Variants in CNTN4 observed in about 807,000 individuals in gnomAD.
CNTN4 encodes the protein contactin 4.
CNTN4 carries 77 observed loss-of-function variants against 122.5 expected under a neutral mutation model. The ratio of observed to expected loss-of-function variants is 0.63; its 90% CI spans 0.52 to 0.76. The LOEUF (loss-of-function observed/expected upper bound fraction) is 0.76. Among genes scored for constraint, CNTN4 ranks in the 30% least tolerant of loss-of-function variants. The probability of loss-of-function intolerance (pLI) is 0.00; values close to 1 mark genes in which losing one functional copy is unlikely to be tolerated. For synonymous variants in CNTN4, 512 were observed against 447.0 expected (o/e 1.15, Z -1.83); for missense variants, 1,256 against 1,259.1 (o/e 1.00, Z 0.04).
At chr3:2,476,427 A>C (rs2075835801) in intron 3 of CNTN4, among the ~76,000 whole-genome samples, 1 of 152,238 alleles carries the variant, frequency 6.6e-6, no homozygotes, top group Non-Finnish European at 1.5e-5. Flanking sequence ...GTAAACATAA[A>C]AATGGGGTCA....
chr3:2,215,445 C>T (rs1211073699), intron 2 of CNTN4, among the ~76,000 whole-genome samples: 1 of 152,130 alleles, frequency 6.6e-6, no homozygotes, highest in Non-Finnish European at 1.5e-5. Context: ...GTATATACAG[C>T]CTCCTGATAT....
intron 13 of CNTN4, among the ~76,000 whole-genome samples, chr3:2,934,821 AGC>A (rs1164708692): frequency 6.6e-6 from 1 of 152,242 alleles, no homozygotes; most frequent in Non-Finnish European, 1.5e-5. Flanking sequence ...AAGCAACAGG[AGC>A]GTCATTGCTC....
At position 2,110,344 on chromosome 3, in the gene CNTN4, G is replaced by A. The variant is rs1004678681; in HGVS notation, c.-145+9705G>A. On this transcript the variant is annotated intron_variant, in intron 2 of 24. Coordinates refer to ENST00000418658, the MANE Select transcript of CNTN4 (RefSeq NM_175607.3). ...TGAAGACTTTAGGACAGTGTGCATG[G>A]CACATTGTAAGCATTAGGTAAATGA... 2.6e-5 allele frequency: 4 copies of A among 152,350 alleles called. 1 individual carries two copies. In the South Asian group the frequency reaches 8.3e-4, roughly 32 times the overall value. 9.4% of individuals were successfully genotyped at this position (152,350 alleles called of 1,614,324 possible). A position where few individuals can be genotyped will look rare whatever the true frequency, so the allele number is the denominator to read the frequency against.
At chr3:2,392,663 G>T (rs945291031) in intron 3 of CNTN4, among the ~76,000 whole-genome samples, 4 of 152,074 alleles carry the variant, frequency 2.6e-5, no homozygotes, top group South Asian at 2.1e-4. Context: ...TCCTCTTTTA[G>T]CTATCTTGAA....
intron 3 of CNTN4, among the ~76,000 whole-genome samples, chr3:2,411,398 A>G (rs2047221944): frequency 1.3e-5 from 2 of 152,174 alleles, no homozygotes. Flanking sequence ...AAATATTGAG[A>G]TGTTTATTTA....
In CNTN4 at chr3:2,828,356, A is replaced by G. The variant is rs2093031410; in HGVS notation, c.454+8775A>G. ...AGTAAATTAAAAGCCACAGGTGTCC[A>G]GTAGGTTAACACTGACCGTCTTGGA... On this transcript the variant is annotated intron_variant, in intron 7 of 24. Transcript: ENST00000418658. 2.6e-5 allele frequency among the ~76,000 whole-genome samples: 4 copies of G among 152,290 alleles called. No homozygotes were observed. In the South Asian group the frequency reaches 8.3e-4, roughly 32 times the overall value.
At chr3:2,355,594 C>T (rs2044838978) in intron 3 of CNTN4, among the ~76,000 whole-genome samples, 1 of 152,190 alleles carries the variant, frequency 6.6e-6, no homozygotes, top group African/African-American at 2.4e-5. Flanking sequence ...TCCCCAATCC[C>T]CTCCTGCGCC....
chr3:2,180,713 G>A (rs2036976699), intron 2 of CNTN4, among the ~76,000 whole-genome samples: 1 of 152,042 alleles, frequency 6.6e-6, no homozygotes, highest in African/African-American at 2.4e-5. Flanking sequence ...CATTTTAACT[G>A]AAAGTCTGTT....
rs575889696 is a variant in CNTN4 at position 2,184,167 on chromosome 3, G to T, written c.-145+83528G>T. 1.8e-4 allele frequency among the ~76,000 whole-genome samples: 27 copies of T among 152,008 alleles called. 1 individual carries two copies. The South Asian group carries it at 5.4e-3, about 30-fold the overall frequency. ...TTATGTTATTTTTATTATTATTTTG[G>T]TAGAAACGAGGTTTCACCATATTGC... On this transcript the variant is annotated intron_variant, in intron 2 of 24. Transcript: ENST00000418658.
intron 18 of CNTN4, 36 bp downstream of exon 18, chr3:3,037,364 C>A (rs746422332): frequency 1.2e-6 from 2 of 1,613,700 alleles, no homozygotes; most frequent in African/African-American, 2.7e-5. Flanking sequence ...ATCTGTTCTG[C>A]CAGCTGCTGT....
intron 2 of CNTN4, among the ~76,000 whole-genome samples, chr3:2,181,694 G>T (rs978923002): frequency 2.0e-4 from 30 of 152,102 alleles, no homozygotes; most frequent in African/African-American, 6.8e-4. Flanking sequence ...TGATGGATTA[G>T]TACCTTTCAT....
intron 6 of CNTN4, among the ~76,000 whole-genome samples, chr3:2,793,632 C>T (rs925663451): frequency 2.6e-5 from 4 of 152,066 alleles, no homozygotes; most frequent in African/African-American, 7.2e-5. Context: ...TTCTTAATTG[C>T]GTTTTCGAAA....
At chr3:2,291,167 G>A (rs2042118909) in intron 2 of CNTN4, among the ~76,000 whole-genome samples, 1 of 152,040 alleles carries the variant, frequency 6.6e-6, no homozygotes, top group African/African-American at 2.4e-5. Context: ...TTGGATTTAT[G>A]TAAATTTTTT....
chr3:2,592,476 G>T (rs573058923), intron 4 of CNTN4, among the ~76,000 whole-genome samples: 1 of 152,174 alleles, frequency 6.6e-6, no homozygotes, highest in Non-Finnish European at 1.5e-5. Flanking sequence ...GGGACGTACC[G>T]GGTAAGAGAT....
At chr3:2,647,223 A>G (rs2083165332) in intron 4 of CNTN4, among the ~76,000 whole-genome samples, 1 of 152,032 alleles carries the variant, frequency 6.6e-6, no homozygotes, top group Non-Finnish European at 1.5e-5. Flanking sequence ...CCTACTAAAA[A>G]TACAAAAATT....
intron 7 of CNTN4, among the ~76,000 whole-genome samples, chr3:2,833,005 C>G (rs959607153): frequency 6.6e-6 from 1 of 151,970 alleles, no homozygotes; most frequent in Non-Finnish European, 1.5e-5. Flanking sequence ...TGAGAAAATA[C>G]TTAGTGATAA....
At chr3:2,857,982 G>C (rs1336399289) in intron 7 of CNTN4, among the ~76,000 whole-genome samples, 2 of 152,104 alleles carry the variant, frequency 1.3e-5, no homozygotes, top group African/African-American at 4.8e-5. Context: ...CTTTGTGTCT[G>C]TATCCTAAAG....
chr3:3,022,545 G>T (rs1402680555), intron 14 of CNTN4, among the ~76,000 whole-genome samples: 1 of 152,110 alleles, frequency 6.6e-6, no homozygotes, highest in Admixed American at 6.6e-5. Context: ...ATGTAATAAG[G>T]CTTGGATAAG....
chr3:2,238,934 C>T (rs1274747324), intron 2 of CNTN4: 1 of 131,430 alleles, frequency 7.6e-6, no homozygotes, highest in Non-Finnish European at 1.6e-5. Context: ...ACCGTGTTAG[C>T]CAGGATGGTC....
Sources: allele counts gnomAD v4.1 joint callset (sites outside exome capture counted in the v4.1 genomes callset), GRCh38; gene constraint gnomAD v4.1.1; transcripts MANE v1.5; gene names NCBI Gene and HGNC (gene_info 2026-07-23, HGNC 2026-07-21).